Variants in CSMD1 observed in about 807,000 individuals in gnomAD.
CSMD1 encodes the protein CUB and sushi domain-containing protein 1.
In CSMD1, 213 loss-of-function variants were observed where a neutral mutation model predicts 417.5. The observed-to-expected ratio is 0.51, with a 90% CI of 0.46 to 0.57. The LOEUF is 0.57. Ranked by LOEUF, CSMD1 falls within the 20% of genes least tolerant of loss-of-function variation. The pLI, the probability that CSMD1 is intolerant of heterozygous loss-of-function variation, is 0.00. For missense variants in CSMD1, 6,923 were observed against 4,529.7 expected (o/e 1.53, Z -15.17); for synonymous variants, 2,862 against 1,736.8 (o/e 1.65, Z -16.11).
intron 3 of CSMD1, among the ~76,000 whole-genome samples, chr8:4,132,191 G>C (rs1022219428): frequency 7.9e-5 from 9 of 114,352 alleles, no homozygotes; most frequent in African/African-American, 2.9e-4. Flanking sequence ...ATTTGTCATG[G>C]ATTTTTTTTT....
chr8:3,214,467 T>C (rs756091921), intron 30 of CSMD1, 30 bp downstream of exon 30: 68 of 1,494,498 alleles, frequency 4.6e-5, no homozygotes, highest in Non-Finnish European at 4.1e-5. Flanking sequence ...GAAAGTTGTA[T>C]TTCTAGAAAA....
intron 5 of CSMD1, among the ~76,000 whole-genome samples, chr8:3,864,849 G>C (rs1174470643): frequency 6.6e-6 from 1 of 152,128 alleles, no homozygotes; most frequent in Non-Finnish European, 1.5e-5. Flanking sequence ...CATTTTCCTA[G>C]TTTTGGCCAG....
chr8:3,672,980 A>C (rs762729124), intron 7 of CSMD1, among the ~76,000 whole-genome samples: 1 of 152,192 alleles, frequency 6.6e-6, no homozygotes, highest in Middle Eastern at 3.2e-3. Context: ...CCTTATTGTA[A>C]GTACTTGTGT....
intron 3 of CSMD1, among the ~76,000 whole-genome samples, chr8:4,087,991 G>T (rs1242040597): frequency 6.6e-6 from 1 of 152,120 alleles, no homozygotes; most frequent in African/African-American, 2.4e-5. Flanking sequence ...GACCTCTGAA[G>T]AACGTCTAAC....
intron 3 of CSMD1, among the ~76,000 whole-genome samples, chr8:4,033,651 A>G (rs1382088477): frequency 6.6e-6 from 1 of 152,194 alleles, no homozygotes; most frequent in African/African-American, 2.4e-5. Flanking sequence ...GGGCTGCGTC[A>G]TGGGCCACTG....
At chr8:4,164,034 C>T (rs1797314264) in intron 3 of CSMD1, among the ~76,000 whole-genome samples, 1 of 152,106 alleles carries the variant, frequency 6.6e-6, no homozygotes. Context: ...GCTGTTGGTA[C>T]ATGTGTCATT....
At chr8:4,472,145 T>C (rs1239487690) in intron 2 of CSMD1, among the ~76,000 whole-genome samples, 1 of 152,216 alleles carries the variant, frequency 6.6e-6, no homozygotes, top group East Asian at 1.9e-4. Context: ...GTGTCTTGAT[T>C]GTCATACTTT....
intron 3 of CSMD1, among the ~76,000 whole-genome samples, chr8:4,234,389 G>A (rs983079434): frequency 5.3e-5 from 8 of 152,000 alleles, no homozygotes; most frequent in African/African-American, 1.4e-4. Context: ...GGCAGCCACC[G>A]GCATTCCTGA....
At chr8:3,645,242 A>G (rs1797518671) in intron 7 of CSMD1, among the ~76,000 whole-genome samples, 1 of 152,156 alleles carries the variant, frequency 6.6e-6, no homozygotes, top group East Asian at 1.9e-4. Context: ...CTCTAGACCA[A>G]CCATGCAGTA....
intron 1 of CSMD1, among the ~76,000 whole-genome samples, chr8:4,821,316 T>A (rs1799511748): frequency 6.6e-6 from 1 of 152,184 alleles, no homozygotes; most frequent in Non-Finnish European, 1.5e-5. Flanking sequence ...CCAATCCATT[T>A]AAGAATCCGT....
At chr8:3,412,589 G>A (rs1563363125) in intron 12 of CSMD1, among the ~76,000 whole-genome samples, 1 of 152,166 alleles carries the variant, frequency 6.6e-6, no homozygotes, top group Admixed American at 6.6e-5. Context: ...AAGCAGAAGA[G>A]CACACACACA....
At chr8:4,485,336 C>T (rs1801321340) in intron 2 of CSMD1, among the ~76,000 whole-genome samples, 1 of 152,140 alleles carries the variant, frequency 6.6e-6, no homozygotes, top group South Asian at 2.1e-4. Context: ...CTTCAAACAA[C>T]CTGTCTTCAT....
At chr8:3,281,784 G>C (rs1180418221) in intron 26 of CSMD1, among the ~76,000 whole-genome samples, 1 of 152,172 alleles carries the variant, frequency 6.6e-6, no homozygotes, top group Non-Finnish European at 1.5e-5. Flanking sequence ...ATATGGTTTG[G>C]ATCTGCGTCC....
At chr8:3,339,655 G>A (rs1585022791) in intron 23 of CSMD1, among the ~76,000 whole-genome samples, 1 of 152,130 alleles carries the variant, frequency 6.6e-6, no homozygotes, top group Non-Finnish European at 1.5e-5. Context: ...GTTACTTCAG[G>A]TGAAACTCTT....
intron 3 of CSMD1, among the ~76,000 whole-genome samples, chr8:4,394,547 G>C (rs1418549565): frequency 1.3e-5 from 2 of 152,246 alleles, no homozygotes; most frequent in East Asian, 3.9e-4. Flanking sequence ...TCATTGCTTT[G>C]GAGCAAATGG....
At chr8:3,385,219 A>G (rs1038367178) in intron 18 of CSMD1, among the ~76,000 whole-genome samples, 1 of 147,060 alleles carries the variant, frequency 6.8e-6, no homozygotes, top group Non-Finnish European at 1.5e-5. Flanking sequence ...AATCATATAC[A>G]TATACATGCA....
intron 3 of CSMD1, among the ~76,000 whole-genome samples, chr8:4,148,342 G>A (rs541241227): frequency 7.7e-6 from 1 of 129,390 alleles, no homozygotes; most frequent in African/African-American, 2.9e-5. Flanking sequence ...CAGAGGAAGG[G>A]AAACATCACA....
chr8:3,718,803 C>A (rs569582798), intron 6 of CSMD1, among the ~76,000 whole-genome samples: 3 of 152,168 alleles, frequency 2.0e-5, no homozygotes, highest in East Asian at 3.9e-4. Flanking sequence ...TCACGTATTT[C>A]CCTGTGATTT....
chr8:4,070,766 A>G (rs1361183409), intron 3 of CSMD1, among the ~76,000 whole-genome samples: 1 of 152,186 alleles, frequency 6.6e-6, no homozygotes, highest in Non-Finnish European at 1.5e-5. Flanking sequence ...CGAGCCTGTC[A>G]CTGACACCCT....
Sources: allele counts gnomAD v4.1 joint callset (sites outside exome capture counted in the v4.1 genomes callset), GRCh38; gene constraint gnomAD v4.1.1; transcripts MANE v1.5; gene names NCBI Gene and HGNC (gene_info 2026-07-23, HGNC 2026-07-21).